Variants in DHX8 observed in about 807,000 individuals in gnomAD.
The protein encoded by DHX8 is ATP-dependent RNA helicase DHX8.
DHX8 carries 67 observed loss-of-function variants against 140.7 expected under a neutral mutation model. The observed-to-expected ratio is 0.48, with a 90% CI of 0.39 to 0.58. The LOEUF is 0.58. Among genes scored for constraint, DHX8 ranks in the 20% least tolerant of loss-of-function variants. The pLI is 0.00. For missense variants in DHX8, 887 were observed against 1,550.7 expected (o/e 0.57, Z 7.19); for synonymous variants, 533 against 553.2 (o/e 0.96, Z 0.51).
intron 8 of DHX8, 71 bp from the exon 9 acceptor site, chr17:43,496,110 C>A: frequency 7.8e-7 from 1 of 1,285,762 alleles, no homozygotes; most frequent in South Asian, 1.2e-5. Flanking sequence ...AAAAACAAAA[C>A]AAAACCAAAA....
At chr17:43,538,558 C>T (rs935546028) in intron 3 of DHX8, among the ~76,000 whole-genome samples, 3 of 152,172 alleles carry the variant, frequency 2.0e-5, no homozygotes, top group Non-Finnish European at 4.4e-5. Flanking sequence ...TCCATGGCTT[C>T]TAACCTGAAC....
chr17:43,510,028 C>T (rs1969729403), intron 16 of DHX8, among the ~76,000 whole-genome samples: 1 of 146,992 alleles, frequency 6.8e-6, no homozygotes, highest in East Asian at 2.0e-4. Flanking sequence ...TTGGAATTTA[C>T]TGTTTTTTGT....
chr17:43,510,822 T>C (rs1458381760), intron 16 of DHX8, among the ~76,000 whole-genome samples: 3 of 152,218 alleles, frequency 2.0e-5, no homozygotes, highest in East Asian at 1.9e-4. Context: ...CACTAACCTA[T>C]ATCTTCCATC....
At chr17:43,506,921 G>T in intron 12 of DHX8, 82 bp from the exon 13 acceptor site, 1 of 1,076,464 alleles carries the variant, frequency 9.3e-7, no homozygotes, top group Admixed American at 2.9e-5. Context: ...AGATTTTAAT[G>T]ACCATATTTA....
rs1969596658 is a variant in DHX8, at chr17:43,508,139, C to G, written c.2320+120C>G. 19 of 1,143,448 alleles carry G rather than the reference C, an allele frequency of 1.7e-5. No homozygotes were observed. The South Asian group carries it at 3.0e-4, about 18-fold the overall frequency. 70.8% of individuals were successfully genotyped at this position (1,143,448 alleles called of 1,614,324 possible). On this transcript the variant is annotated intron_variant, in intron 15 of 22. Coordinates refer to ENST00000262415, the MANE Select transcript of DHX8 (RefSeq NM_004941.3). ...AAAAACAACTTCTAAATATTCATCT[C>G]TCTGCAAGCCTCAGGCTTGTATGTT...
At position 43,524,578 on chromosome 17, in the gene DHX8, TTCAG is replaced by T; in HGVS notation, c.*734_*737del. The T allele has an allele frequency of 1.0e-6, 1 of 985,606 alleles. No individual in the cohort carries two copies. The highest frequency in any genetic ancestry group is 4.7e-5 in the South Asian group (1 of 21,294). 61.1% of individuals were successfully genotyped at this position (985,606 alleles called of 1,614,324 possible). The stretch of plus-strand genomic sequence containing the variant: ...CAACCATGTCCTCTCCACAGAGCAC[TTCAG>T]TCTGGAGGCCTGAGTGGCTACAGAT... On this transcript the variant is annotated 3_prime_UTR_variant, in exon 23 of 23. Coordinates refer to ENST00000262415, the MANE Select transcript of DHX8 (RefSeq NM_004941.3).
At position 43,520,734 on chromosome 17, in the gene DHX8, T is replaced by C. The variant is rs1970334089; in HGVS notation, c.2938-17T>C. On this transcript the variant is annotated splice_polypyrimidine_tract_variant and intron_variant, in intron 19 of 22. Coordinates refer to ENST00000262415, the MANE Select transcript of DHX8 (RefSeq NM_004941.3). The stretch of plus-strand genomic sequence containing the variant: ...CTTCCACAGGGAAGCAGTTGTAGTC[T>C]TTTTTTGTCCCTCTAGATGGCAGAG... 1 of 1,612,420 alleles carries C rather than the reference T, an allele frequency of 6.2e-7. No homozygotes were observed. The highest frequency in any genetic ancestry group is 2.2e-5 in the East Asian group (1 of 44,778).
chr17:43,490,605 G>T, intron 3 of DHX8, 142 bp downstream of exon 3: 1 of 682,430 alleles, frequency 1.5e-6, no homozygotes, highest in Non-Finnish European at 2.4e-6. Context: ...GGGCCTAGCG[G>T]CTCACTGCTG....
chr17:43,522,059 T>C lies in DHX8; in HGVS notation c.3276T>C (p.Asp1092=). The C allele has an allele frequency of 6.2e-7, 1 of 1,613,870 alleles. No homozygotes were observed. The change falls in exon 22 of 23, where the codon GAT becomes GAC. Residue 1092 remains aspartate, a synonymous_variant. Coordinates refer to ENST00000262415, the MANE Select transcript of DHX8 (RefSeq NM_004941.3). ...MLGIMDRHKL[D]VVSCGKSTVR... ...CCTATCTTGATAGACACAAGCTGGATGTTGTTTCCTGTGGCAAGTCCACAG... is the reference window on the plus strand; with the variant it reads ...CCTATCTTGATAGACACAAGCTGGACGTTGTTTCCTGTGGCAAGTCCACAG...
intron 11 of DHX8, among the ~76,000 whole-genome samples, chr17:43,500,782 G>A (rs1044120999): frequency 6.0e-5 from 9 of 151,106 alleles, no homozygotes; most frequent in South Asian, 4.2e-4. Flanking sequence ...GTGGTGGTGC[G>A]CGCCTGTAGT....
chr17:43,518,426 A>G (rs1970217741), intron 18 of DHX8: 1 of 152,176 alleles, frequency 6.6e-6, no homozygotes, highest in South Asian at 2.1e-4. Flanking sequence ...GGTTTTGTGA[A>G]CATAGTTTTT....
At chr17:43,506,952 T>G (rs755204762) in intron 12 of DHX8, 51 bp from the exon 13 acceptor site, 2 of 1,398,444 alleles carry the variant, frequency 1.4e-6, no homozygotes, top group Middle Eastern at 2.4e-4. Flanking sequence ...AATGACCATA[T>G]TTATATTCTG....
At chr17:43,529,048 T>C, downstream of DHX8, 1 of 1,267,494 alleles carries the variant, frequency 7.9e-7, no homozygotes, top group Non-Finnish European at 1.2e-6. Flanking sequence ...ACAAAGTTGC[T>C]GAGAACTGCC....
At chr17:43,533,464 G>A in intron 2 of DHX8, 4 of 973,346 alleles carry the variant, frequency 4.1e-6, no homozygotes, top group Non-Finnish European at 6.0e-6. Flanking sequence ...AGGATAGAGG[G>A]GGCTGAGAAG....
At chr17:43,543,147 A>G (rs1247852843) in intron 3 of DHX8, among the ~76,000 whole-genome samples, 1 of 151,776 alleles carries the variant, frequency 6.6e-6, no homozygotes, top group Non-Finnish European at 1.5e-5. Flanking sequence ...GCTCCCTCAG[A>G]AGGAAGGAGA....
At chr17:43,508,589 A>G (rs1969618200) in intron 16 of DHX8, 69 bp downstream of exon 16, 2 of 1,031,696 alleles carry the variant, frequency 1.9e-6, no homozygotes, top group Non-Finnish European at 2.9e-6. Context: ...TGTCAGCCAT[A>G]GTAGGGATTG....
chr17:43,484,248 G>C, intron 1 of DHX8, 63 bp downstream of exon 1: 5 of 1,560,950 alleles, frequency 3.2e-6, no homozygotes, highest in Non-Finnish European at 4.4e-6. Context: ...GGAGGAAGGA[G>C]GAAGGAGAAA....
At chr17:43,512,257 C>T (rs62080717) in intron 16 of DHX8, among the ~76,000 whole-genome samples, 3 of 151,754 alleles carry the variant, frequency 2.0e-5, no homozygotes, top group Non-Finnish European at 4.4e-5. Context: ...CATGGTGACA[C>T]GTGCCTGTAA....
At chr17:43,533,004 T>A in intron 2 of DHX8, 1 of 1,522,082 alleles carries the variant, frequency 6.6e-7, no homozygotes, top group Non-Finnish European at 8.8e-7. Context: ...TCGAGCCTGT[T>A]ACTCCTAGGC....
Sources: gnomAD v4.1 joint callset for allele counts (sites outside exome capture counted in the v4.1 genomes callset) on GRCh38, gnomAD v4.1.1 for gene constraint, MANE v1.5 for transcripts, NCBI Gene and HGNC (gene_info 2026-07-23, HGNC 2026-07-21) for gene names.